Variants in PLEC observed in about 807,000 individuals in gnomAD.
PLEC encodes hemidesmosomal protein 1.
A neutral mutation model predicts 392.8 loss-of-function variants in PLEC; 216 were observed. The observed-to-expected ratio is 0.55, with a 90% CI of 0.49 to 0.62. The LOEUF (loss-of-function observed/expected upper bound fraction) is 0.62. Among genes scored for constraint, PLEC ranks in the 20% least tolerant of loss-of-function variants. PLEC has a pLI of 0.00. For missense variants in PLEC, 6,863 were observed against 6,563.4 expected, an observed-to-expected ratio of 1.05 and a Z score of -1.58; for synonymous variants, 3,621 against 2,980.6, an observed-to-expected ratio of 1.21 and a Z score of -7.00.
In PLEC at chr8:143,973,475, C is replaced by G. The variant is rs1554744986; in HGVS notation, c.-3G>C. ...TCGTCGGGCAGCGGGCCGGCCATGC[C>G]GGCGGGCGCGGGGCGCGGGGTGCAG... On this transcript the variant is annotated 5_prime_UTR_variant, in exon 1 of 32. Coordinates refer to the PLEC transcript ENST00000356346. The surrounding 1 kb of genome is among the most constrained non-coding windows in gnomAD (Gnocchi z 5.6). 6.6e-7 allele frequency: 1 copy of G among 1,508,276 alleles called. No individual in the cohort carries two copies. Among genetic ancestry groups the G allele is most frequent in the Non-Finnish European group, 8.9e-7 (1 of 1,127,816 alleles). The allele number at this position is 1,508,276 out of a possible 1,614,324, so 93.4% of individuals were successfully genotyped here.
chr8:143,919,606 C>T lies in PLEC; in HGVS notation c.10215G>A (p.Gln3405=). The T allele has an allele frequency of 6.3e-7, 1 of 1,590,760 alleles. No individual in the cohort carries two copies. The highest frequency in any genetic ancestry group is 8.5e-7 in the Non-Finnish European group (1 of 1,171,162). ...TCACGGCCTCGTGGACATACAGGCGCTGGTTCCGCACGGGGTCCACCAGGA... is the reference window on the plus strand; with the variant it reads ...TCACGGCCTCGTGGACATACAGGCGTTGGTTCCGCACGGGGTCCACCAGGA... The part of the protein sequence containing the change: ...TGFLVDPVRN[Q]RLYVHEAVKA... The change falls in exon 32 of 32, where the codon CAG becomes CAA. Residue 3405 remains glutamine (Q), a synonymous_variant. Coordinates refer to ENST00000345136, the MANE Select transcript of PLEC (RefSeq NM_201384.3).
At chr8:143,942,305 G>C, upstream of PLEC, 1 of 1,522,696 alleles carries the variant, frequency 6.6e-7, no homozygotes, top group East Asian at 2.3e-5. Context: ...TCCCAGCCCA[G>C]GCGGCGGTTC....
In PLEC at chr8:143,921,616, G is replaced by A; in HGVS notation, c.8205C>T (p.Ala2735=). The A allele has an allele frequency of 1.9e-6, 3 of 1,612,910 alleles. No individual in the cohort carries two copies. The highest frequency in any genetic ancestry group is 2.5e-6 in the Non-Finnish European group (3 of 1,179,862). ...GCACAGGGTCCAGCAGGAAGCCTGAGGCCGCCTGCGCCTCCAGCAGGATGA... is the reference window on the plus strand; with the variant it reads ...GCACAGGGTCCAGCAGGAAGCCTGAAGCCGCCTGCGCCTCCAGCAGGATGA... ...TALILLEAQA[A]SGFLLDPVRN... Residue 2735 remains alanine, a synonymous_variant, in exon 32 of 32, where the codon GCC becomes GCT. Transcript: ENST00000345136.
Position 143,916,430 on chromosome 8 carries a change from A to G in PLEC, c.13391T>C (p.Leu4464Pro), listed in dbSNP as rs1554669043. The change falls in exon 32 of 32, where the codon CTG (leucine) becomes CCG (proline). Residue 4464 changes from leucine (L) to proline (P), a missense_variant. By Grantham distance (98) the Leu-to-Pro change is moderately conservative (BLOSUM62 -3). Coordinates refer to ENST00000345136, the MANE Select transcript of PLEC (RefSeq NM_201384.3). ...CTTGGTGGACTGCGCGGCAGCCTCCAGCAGCCGCAGCCCCGTGCCCTCCTC... is the reference window on the plus strand; with the variant it reads ...CTTGGTGGACTGCGCGGCAGCCTCCGGCAGCCGCAGCCCCGTGCCCTCCTC... ...MVEEGTGLRLLEAAAQSTKGY... is the reference protein window; with the variant it reads ...MVEEGTGLRLPEAAAQSTKGY... 1 of 1,611,710 alleles carries G rather than the reference A, an allele frequency of 6.2e-7. No homozygotes were observed. Among genetic ancestry groups the G allele is most frequent in the South Asian group, 1.1e-5 (1 of 91,078 alleles).
upstream of PLEC, chr8:143,943,816 G>C: frequency 1.2e-6 from 2 of 1,612,380 alleles, no homozygotes; most frequent in Non-Finnish European, 1.7e-6. Context: ...CCCTGCGCCA[G>C]TGCCACACAG....
chr8:143,938,205 G>C lies in PLEC; in HGVS notation c.210C>G (p.Leu70=). 6.2e-7 allele frequency: 1 copy of C among 1,608,142 alleles called. No individual in the cohort carries two copies. Among genetic ancestry groups the C allele is most frequent in the South Asian group, 1.1e-5 (1 of 90,546 alleles). The change falls in exon 3 of 32, where the codon CTC becomes CTG. Residue 70 remains leucine (L), a synonymous_variant. Coordinates refer to ENST00000345136, the MANE Select transcript of PLEC (RefSeq NM_201384.3). ...GGGAGATGAGGTTGTGGCCATCGCGGAGGTCTTCATACAGGTCACTGATGT... is the reference window on the plus strand; with the variant it reads ...GGGAGATGAGGTTGTGGCCATCGCGCAGGTCTTCATACAGGTCACTGATGT... ...QRHISDLYED[L]RDGHNLISLL...
chr8:143,932,592 C>A, intron 15 of PLEC, 31 bp from the exon 16 acceptor site: 1 of 1,612,212 alleles, frequency 6.2e-7, no homozygotes, highest in Non-Finnish European at 8.5e-7. Flanking sequence ...GTCAGCAGGC[C>A]GCGGGCTACC....
intron 12 of PLEC, 105 bp from the exon 13 acceptor site, chr8:143,933,456 G>T: frequency 7.5e-6 from 10 of 1,339,778 alleles, no homozygotes; most frequent in Non-Finnish European, 1.1e-5. Context: ...GCCTCAGTGG[G>T]CCACTGCCTC....
Position 143,923,105 on chromosome 8 carries a change from T to C in PLEC, c.6824A>G (p.Gln2275Arg). 6.2e-7 allele frequency: 1 copy of C among 1,605,926 alleles called. No homozygotes were observed. Among genetic ancestry groups the C allele is most frequent in the African/African-American group, 1.3e-5 (1 of 75,008 alleles). The change falls in exon 31 of 32, where the codon CAG becomes CGG. Residue 2275 changes from glutamine (Q) to arginine (R), a missense_variant. Gln to Arg is a conservative substitution (Grantham distance 43). Coordinates refer to ENST00000345136, the MANE Select transcript of PLEC (RefSeq NM_201384.3). The part of the protein sequence containing the change: ...FLQEEAEKMK[Q>R]VAEEAARLSV... ...CAGCCGCGCGGCCTCCTCCGCCACC[T>C]GCTTCATCTTCTCAGCCTCCTCCTG...
Position 143,934,453 on chromosome 8 carries a change from CAG to C in PLEC, c.1042-10_1042-9del, listed in dbSNP as rs1554720883. 6.2e-7 allele frequency: 1 copy of C among 1,610,858 alleles called. No individual in the cohort carries two copies. The highest frequency in any genetic ancestry group is 2.2e-5 in the East Asian group (1 of 44,878). On this transcript the variant is annotated splice_polypyrimidine_tract_variant and intron_variant, in intron 10 of 31. Transcript: ENST00000345136. The stretch of plus-strand genomic sequence containing the variant: ...GCCTGCTTGCACCGCTCCCTGTAGA[CAG>C]GGGCCACACTCAGGCCCTATAGGCA...
chr8:143,951,634 A>G (rs536528589), upstream of PLEC, among the ~76,000 whole-genome samples: 1 of 152,154 alleles, frequency 6.6e-6, no homozygotes, highest in African/African-American at 2.4e-5. Context: ...CCCCACCTCC[A>G]ACCCAGCTGT....
Position 143,919,552 on chromosome 8 carries a change from G to T in PLEC, c.10269C>A (p.His3423Gln). Residue 3423 changes from histidine (H) to glutamine (Q), a missense_variant, in exon 32 of 32, where the codon CAC becomes CAA. Physicochemically the swap from His to Gln is conservative, Grantham distance 24 (BLOSUM62 0). Transcript: ENST00000345136. ...VKAGVVGPEL[H>Q]EQLLSAEKAV... ...CCTTCTCGGCAGACAGCAGCTGCTC[G>T]TGAAGCTCGGGGCCCACCACGCCCG... The T allele has an allele frequency of 6.2e-7, 1 of 1,609,164 alleles. No individual in the cohort carries two copies. The highest frequency in any genetic ancestry group is 2.2e-5 in the East Asian group (1 of 44,842).
In PLEC at chr8:143,927,585, T is replaced by C. The variant is rs1825684352; in HGVS notation, c.3581A>G (p.Gln1194Arg). Residue 1194 changes from glutamine to arginine, a missense_variant, in exon 27 of 32, where the codon CAG becomes CGG. By Grantham distance (43) the Gln-to-Arg change is conservative. Transcript: ENST00000345136. ...GAGCTCGCGCTGCCGCACGTCGGTC[T>C]GGGCCAGCACAGCCTGCCAGCGCTC... is the stretch of plus-strand genomic sequence containing the variant. The part of the protein sequence containing the change: ...LLERWQAVLA[Q>R]TDVRQRELEQ... The C allele has an allele frequency of 6.3e-7, 1 of 1,589,780 alleles. No individual in the cohort carries two copies. The highest frequency in any genetic ancestry group is 1.7e-5 in the Admixed American group (1 of 58,902).
Position 143,924,005 on chromosome 8 carries a change from AGCTGCC to A in PLEC, c.5918_5923del (p.Arg1973_Gln1974del). ...GCGCCGCCGCTCCTCCTCCGCCGCC[AGCTGCC>A]GCTGCCTCGCAGCCTCCAGCTCGGC... On this transcript the variant is annotated inframe_deletion, in exon 31 of 32. Coordinates refer to ENST00000345136, the MANE Select transcript of PLEC (RefSeq NM_201384.3). 6.3e-7 allele frequency: 1 copy of A among 1,585,948 alleles called. No homozygotes were observed. The highest frequency in any genetic ancestry group is 1.1e-5 in the South Asian group (1 of 89,906).
At chr8:143,946,563 G>A (rs1405550992) in intron 1 of PLEC, 3 of 396,828 alleles carry the variant, frequency 7.6e-6, no homozygotes, top group African/African-American at 2.1e-5. Flanking sequence ...GCCGACTGAC[G>A]GGTCAGACCA....
In PLEC at chr8:143,920,750, T is replaced by C. The variant is rs535089650; in HGVS notation, c.9071A>G (p.Asn3024Ser). ...CTCCAGCCATACACCCGCGATGACG[T>C]TGGCACCCCGGAGAGCCCGCCGCAC... ...DTVRRALRGA[N>S]VIAGVWLEEA... The change falls in exon 32 of 32, where the codon AAC (asparagine) becomes AGC (serine). Residue 3024 changes from asparagine to serine, a missense_variant. Physicochemically the swap from Asn to Ser is conservative, Grantham distance 46. Transcript: ENST00000345136. 119 of 1,605,462 alleles carry C rather than the reference T, an allele frequency of 7.4e-5. 1 individual carries two copies. Among genetic ancestry groups the C allele is most frequent in the Middle Eastern group, 3.3e-4 (2 of 6,062 alleles).
chr8:143,917,512 C>G lies in PLEC; in HGVS notation c.12309G>C (p.Gln4103His), dbSNP rs1554672237. ...GGTCAGTGATACAACGCTCCATCAG[C>G]TGCAGGTAGGTGAGGTTCTCCTCCG... ...PNTEENLTYL[Q>H]LMERCITDPQ... The change falls in exon 32 of 32, where the codon CAG (glutamine) becomes CAC (histidine). Residue 4103 changes from glutamine to histidine, a missense_variant. Transcript: ENST00000345136. 1 of 1,613,836 alleles carries G rather than the reference C, an allele frequency of 6.2e-7. No homozygotes were observed. The highest frequency in any genetic ancestry group is 8.5e-7 in the Non-Finnish European group (1 of 1,180,034).
chr8:143,918,174 G>C lies in PLEC; in HGVS notation c.11647C>G (p.Leu3883Val). 1 of 1,594,268 alleles carries C rather than the reference G, an allele frequency of 6.3e-7. No individual in the cohort carries two copies. Residue 3883 changes from leucine to valine, a missense_variant, in exon 32 of 32, where the codon CTG (leucine) becomes GTG (valine). Transcript: ENST00000345136. ...LLLPLSDARKLTFRGLRKQIT... is the reference protein window; with the variant it reads ...LLLPLSDARKVTFRGLRKQIT... Reference sequence around the variant, plus strand: ...TGCTTCCGCAGGCCACGGAAGGTCAGCTTGCGGGCGTCCGACAGTGGCAGG... The same window carrying C: ...TGCTTCCGCAGGCCACGGAAGGTCACCTTGCGGGCGTCCGACAGTGGCAGG...
Position 143,922,959 on chromosome 8 carries a change from G to A in PLEC, c.6970C>T (p.Arg2324Ter), listed in dbSNP as rs1554691029. The A allele has an allele frequency of 6.8e-6, 11 of 1,609,954 alleles. No homozygotes were observed. The highest frequency in any genetic ancestry group is 1.6e-4 in the Middle Eastern group (1 of 6,082). Residue 2324 changes from arginine to a stop codon, truncating the protein, a stop_gained, in exon 31 of 32, where the codon CGA becomes TGA. Coordinates refer to ENST00000345136, the MANE Select transcript of PLEC (RefSeq NM_201384.3). LOFTEE classifies it high-confidence loss of function. ...EKMQAVQEATRLKAEAELLQQ... is the reference protein window; with the variant it reads ...EKMQAVQEAT ...AGCAGTTCCGCCTCAGCCTTGAGTC[G>A]CGTGGCCTCCTGCACCGCCTGCATC...
Sources: gnomAD v4.1 joint callset for allele counts (sites outside exome capture counted in the v4.1 genomes callset) on GRCh38, gnomAD v4.1.1 for gene constraint, Gnocchi (gnomAD v3.1) non-coding constraint, MANE v1.5 for transcripts, NCBI Gene and HGNC (gene_info 2026-07-23, HGNC 2026-07-21) for gene names.